The following CLCN3 variants were observed in gnomAD, a reference collection of about 807,000 sequenced individuals.
CLCN3 encodes Cl-/H+ antiporter 3, also known as H(+)/Cl(-) exchange transporter 3.
A neutral mutation model predicts 83.4 loss-of-function variants in CLCN3; 16 were observed. The observed-to-expected ratio is 0.19, with a 90% CI of 0.13 to 0.29. The LOEUF (loss-of-function observed/expected upper bound fraction) is 0.29, where lower values mean the gene tolerates loss of function less well. Among genes scored for constraint, CLCN3 ranks in the 10% least tolerant of loss-of-function variants. The pLI is 1.00. For missense variants in CLCN3, 544 were observed against 1,006.0 expected, an observed-to-expected ratio of 0.54 and a Z score of 6.21; for synonymous variants, 322 against 346.2, an observed-to-expected ratio of 0.93 and a Z score of 0.78.
chr4:169,637,041 T>A (rs752230119), intron 2 of CLCN3, among the ~76,000 whole-genome samples: 9 of 152,104 alleles, frequency 5.9e-5, no homozygotes, highest in Non-Finnish European at 1.2e-4. Flanking sequence ...ATGATAACAG[T>A]TTTTAAAAAA....
At chr4:169,700,100 G>C (rs972856922) in intron 9 of CLCN3, among the ~76,000 whole-genome samples, 2 of 152,132 alleles carry the variant, frequency 1.3e-5, no homozygotes, top group African/African-American at 4.8e-5. Flanking sequence ...CTCAGCTCTG[G>C]CTGAAGGATC....
chr4:169,670,384 A>G (rs570847720), intron 2 of CLCN3, among the ~76,000 whole-genome samples: 26 of 152,290 alleles, frequency 1.7e-4, no homozygotes, highest in African/African-American at 6.3e-4. Context: ...TCCTTTCCCC[A>G]TTACTTGTTT....
chr4:169,692,835 G>A (rs1248765102), intron 7 of CLCN3, among the ~76,000 whole-genome samples: 1 of 152,162 alleles, frequency 6.6e-6, no homozygotes, highest in Non-Finnish European at 1.5e-5. Context: ...AGAGATTACA[G>A]GAAATCCTTT....
intron 2 of CLCN3, among the ~76,000 whole-genome samples, chr4:169,638,970 A>C (rs919774611): frequency 1.3e-5 from 2 of 152,322 alleles, no homozygotes; most frequent in Middle Eastern, 3.4e-3. Flanking sequence ...TGCAAACAAG[A>C]GGAAGGCCCA....
chr4:169,708,243 T>G lies in CLCN3; in HGVS notation c.2149+977T>G, dbSNP rs567768609. Among the ~76,000 whole-genome samples, 136 of 152,198 alleles carry G rather than the reference T, an allele frequency of 8.9e-4. 5 individuals carry two copies. In the South Asian group the frequency reaches 0.027, roughly 30 times the overall value. On this transcript the variant is annotated intron_variant, in intron 11 of 12. Transcript: ENST00000513761. ...TTGAATGGCACAAGACCAGACAGTG[T>G]ATGTGGGGGAGTGTTTCTCAAATCA...
At chr4:169,657,497 A>G (rs887378041) in intron 2 of CLCN3, among the ~76,000 whole-genome samples, 1 of 152,110 alleles carries the variant, frequency 6.6e-6, no homozygotes, top group African/African-American at 2.4e-5. Flanking sequence ...ATTTATTTTT[A>G]TTGTTTTAAA....
chr4:169,690,133 CTTTCT>C (rs1418750156), intron 5 of CLCN3, among the ~76,000 whole-genome samples: 2 of 81,298 alleles, frequency 2.5e-5, no homozygotes, highest in Non-Finnish European at 4.7e-5. Context: ...AGTTTCTTTT[CTTTCT>C]TTTTTTTTTT....
intron 1 of CLCN3, among the ~76,000 whole-genome samples, chr4:169,632,914 A>G (rs1429512553): frequency 6.6e-6 from 1 of 152,062 alleles, no homozygotes; most frequent in African/African-American, 2.4e-5. Context: ...CAGTGTCATC[A>G]GATTCGAAGG....
At chr4:169,626,581 G>A (rs1773241425) in intron 1 of CLCN3, among the ~76,000 whole-genome samples, 1 of 152,230 alleles carries the variant, frequency 6.6e-6, no homozygotes, top group African/African-American at 2.4e-5. Flanking sequence ...GGCTGTGGAA[G>A]ATTAGAGTTC....
intron 9 of CLCN3, among the ~76,000 whole-genome samples, chr4:169,699,421 CT>C (rs1304597167): frequency 6.6e-6 from 1 of 152,162 alleles, no homozygotes; most frequent in Non-Finnish European, 1.5e-5. Context: ...ATTACTACCC[CT>C]GTACTTCATG....
chr4:169,668,332 T>G (rs1731330153), intron 2 of CLCN3, among the ~76,000 whole-genome samples: 1 of 152,232 alleles, frequency 6.6e-6, no homozygotes, highest in South Asian at 2.1e-4. Flanking sequence ...CTGATGAAAT[T>G]TTAAATACCC....
Position 169,687,720 on chromosome 4 carries a change from A to G in CLCN3, c.381A>G (p.Ser127=), listed in dbSNP as rs752962900. Residue 127 remains serine, a synonymous_variant, in exon 4 of 13, where the codon TCA becomes TCG. Transcript: ENST00000513761. ...EMTKSLYDAW[S]GWLVVTLTGL... is the part of the protein sequence containing the mutation. ...CAAAAAGTTTGTATGATGCGTGGTC[A>G]GGATGGCTAGTAGTAACACTAACAG... is the stretch of plus-strand genomic sequence containing the variant. The G allele has an allele frequency of 6.2e-7, 1 of 1,606,834 alleles. No homozygotes were observed. Among genetic ancestry groups the G allele is most frequent in the Non-Finnish European group, 8.5e-7 (1 of 1,176,194 alleles).
chr4:169,689,502 G>T (rs1732283346), intron 5 of CLCN3, among the ~76,000 whole-genome samples: 2 of 152,174 alleles, frequency 1.3e-5, no homozygotes, highest in South Asian at 2.1e-4. Flanking sequence ...ATTGCAGTAA[G>T]ATCTGTGTAA....
chr4:169,648,096 A>G (rs1395806021), intron 2 of CLCN3, among the ~76,000 whole-genome samples: 1 of 152,222 alleles, frequency 6.6e-6, no homozygotes, highest in Non-Finnish European at 1.5e-5. Context: ...AAAAACTAAG[A>G]CCGAAGGAGT....
At chr4:169,636,200 A>T (rs963285363) in intron 2 of CLCN3, 112 bp downstream of exon 2, 2 of 937,974 alleles carry the variant, frequency 2.1e-6, no homozygotes, top group African/African-American at 3.3e-5. Flanking sequence ...TTGAGATCAA[A>T]TTTACATAAC....
At chr4:169,646,270 A>G (rs562276422) in intron 2 of CLCN3, among the ~76,000 whole-genome samples, 11 of 151,904 alleles carry the variant, frequency 7.2e-5, no homozygotes, top group Non-Finnish European at 1.6e-4. Context: ...ACCTTTTAGG[A>G]GTCTTTTTTC....
Position 169,666,503 on chromosome 4 carries a change from A to G in CLCN3, c.161-13547A>G, listed in dbSNP as rs79306157. 6.2e-3 allele frequency among the ~76,000 whole-genome samples: 941 copies of G among 152,294 alleles called. 10 individuals carry two copies. Among genetic ancestry groups the G allele is most frequent in the African/African-American group, 0.022 (900 of 41,562 alleles). On this transcript the variant is annotated intron_variant, in intron 2 of 12. Coordinates refer to ENST00000513761, the MANE Select transcript of CLCN3 (RefSeq NM_001829.4). ...GTGCTCACCACTTCTGCAATTTTCT[A>G]TTGCAGCATTTTAAATAATATGGGA...
intron 2 of CLCN3, among the ~76,000 whole-genome samples, chr4:169,672,695 G>A (rs1191631266): frequency 6.6e-6 from 1 of 151,986 alleles, no homozygotes; most frequent in African/African-American, 2.4e-5. Flanking sequence ...ATGGAGTCTT[G>A]CTCTGTCACC....
At chr4:169,656,815 G>A (rs1294465257) in intron 2 of CLCN3, among the ~76,000 whole-genome samples, 2 of 152,162 alleles carry the variant, frequency 1.3e-5, no homozygotes, top group Non-Finnish European at 2.9e-5. Context: ...TGGCACACAC[G>A]TGTGTATTCC....
Sources: gnomAD v4.1 joint callset for allele counts (sites outside exome capture counted in the v4.1 genomes callset) on GRCh38, gnomAD v4.1.1 for gene constraint, MANE v1.5 for transcripts, NCBI Gene and HGNC (gene_info 2026-07-23, HGNC 2026-07-21) for gene names.